GADL1: variants seen among roughly 807,000 people sequenced by gnomAD.
GADL1 encodes the protein acidic amino acid decarboxylase GADL1.
Under a neutral mutation model 69.5 loss-of-function variants are expected in GADL1, and 71 were observed. The ratio of observed to expected loss-of-function variants is 1.02; its 90% CI spans 0.84 to 1.25. The LOEUF is 1.25. GADL1 is among the 50% of genes most tolerant of loss of function. The pLI, the probability that GADL1 is intolerant of heterozygous loss-of-function variation, is 0.00. For synonymous variants in GADL1, 254 were observed against 214.4 expected, an observed-to-expected ratio of 1.18 and a Z score of -1.62; for missense variants, 737 against 631.8, an observed-to-expected ratio of 1.17 and a Z score of -1.79.
At chr3:30,778,472 C>A (rs1383097401) in intron 13 of GADL1, among the ~76,000 whole-genome samples, 1 of 152,140 alleles carries the variant, frequency 6.6e-6, no homozygotes, top group Non-Finnish European at 1.5e-5. Flanking sequence ...GTGCACCTAG[C>A]AGGTTCTCTT....
At chr3:30,851,352 T>C (rs188918610) in intron 4 of GADL1, among the ~76,000 whole-genome samples, 1 of 152,284 alleles carries the variant, frequency 6.6e-6, no homozygotes, top group East Asian at 1.9e-4. Context: ...ATTACTGCCA[T>C]GAGTATGCTA....
chr3:30,837,692 T>C (rs1329032288), intron 9 of GADL1, among the ~76,000 whole-genome samples: 1 of 152,142 alleles, frequency 6.6e-6, no homozygotes, highest in Non-Finnish European at 1.5e-5. Context: ...GAGAGTACAA[T>C]ATTTAGGTAG....
rs1232216278 is a variant in GADL1, at chr3:30,820,863, A to G, written c.1050+12990T>C. 2.0e-5 allele frequency among the ~76,000 whole-genome samples: 3 copies of G among 152,040 alleles called. No individual in the cohort carries two copies. The East Asian group carries it at 5.8e-4, about 30-fold the overall frequency. On this transcript the variant is annotated intron_variant, in intron 11 of 14. Coordinates refer to ENST00000282538, the MANE Select transcript of GADL1 (RefSeq NM_207359.3). ...CTATAAATCATGCTGCTATAAAGACACATGCACATGTATGTTTATTGTGGC... is the reference window on the plus strand; with the variant it reads ...CTATAAATCATGCTGCTATAAAGACGCATGCACATGTATGTTTATTGTGGC...
intron 12 of GADL1, among the ~76,000 whole-genome samples, chr3:30,795,271 T>C (rs1178150447): frequency 2.0e-5 from 3 of 152,104 alleles, no homozygotes; most frequent in East Asian, 1.9e-4. Context: ...CTGTCGGTGG[T>C]TTGAACAGAT....
At chr3:30,781,580 T>C (rs183995819) in intron 13 of GADL1, among the ~76,000 whole-genome samples, 57 of 152,342 alleles carry the variant, frequency 3.7e-4, no homozygotes, top group African/African-American at 9.9e-4. Flanking sequence ...GATTAGACTA[T>C]TGAAAAATTT....
intron 14 of GADL1, among the ~76,000 whole-genome samples, chr3:30,730,451 G>A (rs894025897): frequency 1.4e-4 from 22 of 152,104 alleles, no homozygotes; most frequent in Admixed American, 1.2e-3. Flanking sequence ...CACGGAGATC[G>A]CTACACAGGT....
At chr3:30,823,215 A>G (rs910571742) in intron 11 of GADL1, among the ~76,000 whole-genome samples, 33 of 151,308 alleles carry the variant, frequency 2.2e-4, no homozygotes, top group African/African-American at 7.1e-4. Context: ...GGACACTTTC[A>G]GACTCAGGGA....
intron 11 of GADL1, among the ~76,000 whole-genome samples, chr3:30,824,155 T>C (rs1213327172): frequency 6.6e-6 from 1 of 151,690 alleles, no homozygotes; most frequent in African/African-American, 2.4e-5. Flanking sequence ...CCTTGTTAAA[T>C]AGTAGAAATA....
chr3:30,854,000 T>G (rs188274630), intron 4 of GADL1, among the ~76,000 whole-genome samples: 2 of 151,734 alleles, frequency 1.3e-5, no homozygotes, highest in African/African-American at 4.8e-5. Flanking sequence ...GGCTTCTATC[T>G]CTCTCTCTCT....
At chr3:30,856,755 T>C (rs1407030259) in intron 3 of GADL1, among the ~76,000 whole-genome samples, 1 of 151,978 alleles carries the variant, frequency 6.6e-6, no homozygotes, top group Non-Finnish European at 1.5e-5. Flanking sequence ...TGATTACAAC[T>C]AGTATGTGGG....
intron 14 of GADL1, among the ~76,000 whole-genome samples, chr3:30,743,250 CT>C (rs1271486588): frequency 2.0e-5 from 3 of 152,124 alleles, no homozygotes; most frequent in Non-Finnish European, 4.4e-5. Context: ...CATCTTCAAG[CT>C]CACAGAAGGG....
intron 8 of GADL1, among the ~76,000 whole-genome samples, chr3:30,843,625 C>A (rs1330150644): frequency 6.6e-6 from 1 of 152,164 alleles, no homozygotes. Context: ...GTGCCCAGAG[C>A]CATGCCTTGC....
At chr3:30,841,563 G>T (rs754225099) in intron 8 of GADL1, among the ~76,000 whole-genome samples, 1 of 152,102 alleles carries the variant, frequency 6.6e-6, no homozygotes, top group Admixed American at 6.5e-5. Context: ...AGAATAAGAC[G>T]TTTATCCTGT....
intron 5 of GADL1, 27 bp downstream of exon 5, chr3:30,850,808 T>C (rs1298129120): frequency 6.1e-6 from 8 of 1,310,670 alleles, no homozygotes; most frequent in South Asian, 1.3e-5. Context: ...TATTGGAAGG[T>C]TGATATCAAT....
chr3:30,780,470 C>T (rs955756896), intron 13 of GADL1, among the ~76,000 whole-genome samples: 1 of 152,016 alleles, frequency 6.6e-6, no homozygotes, highest in African/African-American at 2.4e-5. Context: ...GTTTTTCATT[C>T]TCTATGAGGC....
chr3:30,836,640 A>G lies in GADL1; in HGVS notation c.903+2357T>C, dbSNP rs534831831. ...AATAGTAGAACCAATCTTGAAAGGG[A>G]AGTGAAGGTAAGAATGGAATTGAGA... On this transcript the variant is annotated intron_variant, in intron 9 of 14. Coordinates refer to ENST00000282538, the MANE Select transcript of GADL1 (RefSeq NM_207359.3). 2.9e-3 allele frequency among the ~76,000 whole-genome samples: 446 copies of G among 152,148 alleles called. 4 individuals carry two copies. Among genetic ancestry groups the G allele is most frequent in the African/African-American group, 0.01 (429 of 41,550 alleles).
At chr3:30,854,887 GAC>G (rs1698203889) in intron 3 of GADL1, 98 bp from the exon 4 acceptor site, 3 of 667,184 alleles carry the variant, frequency 4.5e-6, no homozygotes, top group Non-Finnish European at 7.8e-6. Flanking sequence ...AATGAAAGCA[GAC>G]ACACACAGAA....
intron 4 of GADL1, 84 bp downstream of exon 4, chr3:30,854,615 A>C (rs1698199785): frequency 1.3e-6 from 1 of 782,810 alleles, no homozygotes; most frequent in Admixed American, 2.4e-5. Flanking sequence ...GAAACCATTA[A>C]ATAGAGATTT....
chr3:30,747,630 T>G (rs905931488), intron 14 of GADL1, among the ~76,000 whole-genome samples: 18 of 152,236 alleles, frequency 1.2e-4, no homozygotes, highest in African/African-American at 4.3e-4. Flanking sequence ...GTTTGTTTGC[T>G]TTTAAAGTTA....
Sources: allele counts gnomAD v4.1 joint callset (sites outside exome capture counted in the v4.1 genomes callset), GRCh38; gene constraint gnomAD v4.1.1; transcripts MANE v1.5; gene names NCBI Gene and HGNC (gene_info 2026-07-23, HGNC 2026-07-21).